Variants in EYA2 observed in about 807,000 individuals in gnomAD.
EYA2 encodes protein phosphatase EYA2.
Under a neutral mutation model 69.2 loss-of-function variants are expected in EYA2, and 31 were observed. The ratio of observed to expected loss-of-function variants is 0.45; its 90% CI spans 0.34 to 0.60. The LOEUF (loss-of-function observed/expected upper bound fraction) is 0.60, where lower values mean the gene tolerates loss of function less well. Among genes scored for constraint, EYA2 ranks in the 20% least tolerant of loss-of-function variants. The probability of loss-of-function intolerance (pLI) is 0.02; values close to 1 mark genes in which losing one functional copy is unlikely to be tolerated. For missense variants in EYA2, 622 were observed against 701.2 expected (o/e 0.89, Z 1.28); for synonymous variants, 257 against 279.4 (o/e 0.92, Z 0.80).
chr20:47,148,058 C>CAAAAAAA (rs1264883844), intron 10 of EYA2, among the ~76,000 whole-genome samples: 12,420 of 81,708 alleles, frequency 0.15, 958 homozygotes, highest in Admixed American at 0.18. Context: ...GACTCTGTCT[C>CAAAAAAA]AAAAAAAAAA....
chr20:47,107,711 AG>A (rs2032631302), intron 9 of EYA2, among the ~76,000 whole-genome samples: 4 of 151,010 alleles, frequency 2.6e-5, no homozygotes, highest in Admixed American at 1.3e-4. Context: ...AAAGAGAAGA[AG>A]GAAGAAGAAG....
intron 5 of EYA2, among the ~76,000 whole-genome samples, chr20:47,041,738 T>A (rs1018779374): frequency 1.3e-5 from 2 of 152,182 alleles, no homozygotes; most frequent in Non-Finnish European, 2.9e-5. Context: ...TTAGGATAGG[T>A]GCTCAGATTG....
At chr20:47,185,492 G>A (rs1163162510) in intron 15 of EYA2, among the ~76,000 whole-genome samples, 2 of 151,842 alleles carry the variant, frequency 1.3e-5, no homozygotes, top group East Asian at 1.9e-4. Context: ...AATAGAGACG[G>A]GGTTTTGCCA....
At chr20:47,091,576 CAAAAAAA>C (rs11313572) in intron 8 of EYA2, among the ~76,000 whole-genome samples, 1 of 83,258 alleles carries the variant, frequency 1.2e-5, no homozygotes, top group African/African-American at 4.4e-5. Context: ...CCATCTCTAC[CAAAAAAA>C]AAAAAAAAAA....
chr20:47,060,723 C>T (rs926086823), intron 5 of EYA2, among the ~76,000 whole-genome samples: 5 of 152,254 alleles, frequency 3.3e-5, no homozygotes, highest in Non-Finnish European at 7.3e-5. Context: ...ACTGTGCCTG[C>T]AGCACCTCCT....
chr20:47,096,997 T>C (rs2032266122), intron 8 of EYA2, 88 bp from the exon 9 acceptor site: 1 of 958,838 alleles, frequency 1.0e-6, no homozygotes, highest in Admixed American at 2.2e-5. Flanking sequence ...GAGACTTCTT[T>C]TCCTCCAAGG....
intron 5 of EYA2, among the ~76,000 whole-genome samples, chr20:47,051,296 A>C (rs1414954077): frequency 6.6e-6 from 1 of 152,274 alleles, no homozygotes; most frequent in Non-Finnish European, 1.5e-5. Context: ...CTGTGAAGAA[A>C]TCAGAAGTAT....
At chr20:47,040,056 G>A (rs1443646579) in intron 5 of EYA2, among the ~76,000 whole-genome samples, 1 of 151,914 alleles carries the variant, frequency 6.6e-6, no homozygotes, top group Non-Finnish European at 1.5e-5. Context: ...GGCCAGGCTG[G>A]TCTCGAACTC....
intron 4 of EYA2, among the ~76,000 whole-genome samples, chr20:47,010,789 A>AT (rs10608509): frequency 0.011 from 1,503 of 138,642 alleles, 24 homozygotes; most frequent in African/African-American, 0.028. Flanking sequence ...AATTGAGTTG[A>AT]TTTTTTTTTT....
intron 5 of EYA2, among the ~76,000 whole-genome samples, chr20:47,057,510 A>ACCCCCCCCCCCC (rs796462817): frequency 1.1e-5 from 1 of 94,766 alleles, no homozygotes; most frequent in African/African-American, 3.4e-5. Flanking sequence ...TTTTTATATC[A>ACCCCCCCCCCCC]CCCCCCCCCC....
rs553672904 is a variant in EYA2, at chr20:47,091,642, G to A, written c.804+2261G>A. Among the ~76,000 whole-genome samples the A allele has an allele frequency of 9.2e-5, 14 of 151,760 alleles. No individual in the cohort carries two copies. The East Asian group carries it at 2.3e-3, about 25-fold the overall frequency. Reference sequence around the variant, plus strand: ...CACCTGTAGTCCCAGCTACTCAGGGGGCTGAAGTGGAAGGATCAATTGAGC... The same window carrying A: ...CACCTGTAGTCCCAGCTACTCAGGGAGCTGAAGTGGAAGGATCAATTGAGC... On this transcript the variant is annotated intron_variant, in intron 8 of 15. Coordinates refer to ENST00000327619, the MANE Select transcript of EYA2 (RefSeq NM_005244.5).
At chr20:46,938,754 C>A (rs1256702278) in intron 1 of EYA2, among the ~76,000 whole-genome samples, 2 of 152,126 alleles carry the variant, frequency 1.3e-5, no homozygotes, top group Non-Finnish European at 2.9e-5. Flanking sequence ...CTGCCATATT[C>A]TATTGGTCAC....
At chr20:47,125,799 A>G (rs1432534460) in intron 9 of EYA2, among the ~76,000 whole-genome samples, 1 of 152,198 alleles carries the variant, frequency 6.6e-6, no homozygotes, top group African/African-American at 2.4e-5. Flanking sequence ...TTCAACTTGT[A>G]AACAGCTCCT....
At chr20:46,954,825 G>T (rs1196152140) in intron 1 of EYA2, among the ~76,000 whole-genome samples, 2 of 150,942 alleles carry the variant, frequency 1.3e-5, no homozygotes, top group Non-Finnish European at 2.9e-5. Context: ...CTTACTACGA[G>T]GCATTCTCAG....
chr20:47,014,530 A>G (rs758331930), intron 4 of EYA2, among the ~76,000 whole-genome samples: 9 of 152,156 alleles, frequency 5.9e-5, no homozygotes, highest in Non-Finnish European at 1.0e-4. Flanking sequence ...AGCACCATTC[A>G]GCAACATCCA....
At chr20:46,901,394 C>G (rs1004086674) in intron 1 of EYA2, 1 of 152,168 alleles carries the variant, frequency 6.6e-6, no homozygotes, top group African/African-American at 2.4e-5. Flanking sequence ...ACTATGTTTT[C>G]TAGCATTTAA....
At chr20:47,146,020 G>A (rs1306712135) in intron 10 of EYA2, among the ~76,000 whole-genome samples, 2 of 152,216 alleles carry the variant, frequency 1.3e-5, no homozygotes, top group South Asian at 2.1e-4. Flanking sequence ...GGAAGACGTG[G>A]ACTTGAGGGT....
At chr20:47,095,172 G>A (rs933933200) in intron 8 of EYA2, among the ~76,000 whole-genome samples, 15 of 152,020 alleles carry the variant, frequency 9.9e-5, no homozygotes, top group Non-Finnish European at 2.1e-4. Flanking sequence ...AAAAAGTGGA[G>A]GCTACTGGGA....
intron 1 of EYA2, among the ~76,000 whole-genome samples, chr20:46,970,894 C>T (rs372817236): frequency 5.9e-5 from 9 of 151,612 alleles, no homozygotes; most frequent in East Asian, 3.9e-4. Flanking sequence ...GAGACTTACA[C>T]GGAAATATTG....
Sources: allele counts gnomAD v4.1 joint callset (sites outside exome capture counted in the v4.1 genomes callset), GRCh38; gene constraint gnomAD v4.1.1; transcripts MANE v1.5; gene names NCBI Gene and HGNC (gene_info 2026-07-23, HGNC 2026-07-21).